ENTHD1: variants seen among roughly 807,000 people sequenced by gnomAD.
ENTHD1 encodes ENTH domain containing 1, also known as ENTH domain-containing protein 1.
Under a neutral mutation model 39.1 loss-of-function variants are expected in ENTHD1, and 23 were observed. The observed-to-expected ratio is 0.59, with a 90% CI of 0.42 to 0.83. The LOEUF is 0.83. ENTHD1 is among the 40% of genes least tolerant of loss of function. The pLI is 0.00. For missense variants in ENTHD1, 624 were observed against 705.4 expected (o/e 0.88, Z 1.31); for synonymous variants, 230 against 258.2 (o/e 0.89, Z 1.05).
chr22:39,773,828 GAGGTATAA>G (rs1306459024), intron 5 of ENTHD1, among the ~76,000 whole-genome samples: 2 of 152,186 alleles, frequency 1.3e-5, no homozygotes, highest in Non-Finnish European at 2.9e-5. Flanking sequence ...TTTAGGTTTA[GAGGTATAA>G]AGATGTGTAA....
intron 5 of ENTHD1, among the ~76,000 whole-genome samples, chr22:39,776,487 T>C (rs1225688114): frequency 2.0e-5 from 3 of 152,216 alleles, no homozygotes; most frequent in African/African-American, 4.8e-5. Flanking sequence ...CAGTATTCTT[T>C]ATCATACAGT....
At chr22:39,787,782 A>G (rs1404675907) in intron 5 of ENTHD1, among the ~76,000 whole-genome samples, 1 of 152,226 alleles carries the variant, frequency 6.6e-6, no homozygotes, top group Non-Finnish European at 1.5e-5. Context: ...ATAAAAATAC[A>G]AGGTAAAGCA....
chr22:39,863,549 A>C (rs181023642), intron 2 of ENTHD1, among the ~76,000 whole-genome samples: 58 of 152,358 alleles, frequency 3.8e-4, no homozygotes, highest in African/African-American at 1.3e-3. Flanking sequence ...ACTGTAACCT[A>C]TAACTCACTC....
intron 3 of ENTHD1, 100 bp from the exon 4 acceptor site, chr22:39,836,058 T>G: frequency 1.3e-6 from 1 of 764,494 alleles, no homozygotes; most frequent in South Asian, 2.6e-5. Context: ...GAAGATACCT[T>G]TTTTTCCTGC....
chr22:39,758,479 CA>C (rs1485402259), intron 6 of ENTHD1, among the ~76,000 whole-genome samples: 1 of 152,134 alleles, frequency 6.6e-6, no homozygotes, highest in Non-Finnish European at 1.5e-5. Context: ...GGCTGGGGTG[CA>C]GTGGGGCAAT....
intron 4 of ENTHD1, among the ~76,000 whole-genome samples, chr22:39,826,369 T>C (rs2065826636): frequency 3.3e-5 from 5 of 152,152 alleles, no homozygotes; most frequent in Admixed American, 6.5e-5. Context: ...ATCTTTTTTT[T>C]CAAAGAACTG....
At chr22:39,841,832 C>T (rs186756459) in intron 3 of ENTHD1, among the ~76,000 whole-genome samples, 4 of 152,220 alleles carry the variant, frequency 2.6e-5, no homozygotes, top group African/African-American at 7.2e-5. Context: ...TTCCTAGTCT[C>T]GATGATCTTT....
chr22:39,807,913 GTA>G lies in ENTHD1; in HGVS notation c.832+13078_832+13079del, dbSNP rs1555929241. 4.3e-3 allele frequency among the ~76,000 whole-genome samples: 642 copies of G among 150,532 alleles called. 9 individuals are homozygous for G. Among genetic ancestry groups the G allele is most frequent in the East Asian group, 0.03 (157 of 5,150 alleles). ...CGTGTGTGTGTGTGTGTGTGTGTGT[GTA>G]TATATATACTGGGTCATGACATAAA... is the stretch of plus-strand genomic sequence containing the variant. On this transcript the variant is annotated intron_variant, in intron 5 of 6. Coordinates refer to ENST00000325157, the MANE Select transcript of ENTHD1 (RefSeq NM_152512.4).
intron 3 of ENTHD1, among the ~76,000 whole-genome samples, chr22:39,852,871 T>C (rs2066054464): frequency 6.6e-6 from 1 of 152,212 alleles, no homozygotes; most frequent in Non-Finnish European, 1.5e-5. Flanking sequence ...GTGGTACAGA[T>C]ACAAATTATT....
intron 5 of ENTHD1, among the ~76,000 whole-genome samples, chr22:39,807,888 C>T (rs987596819): frequency 6.9e-6 from 1 of 145,918 alleles, no homozygotes; most frequent in Non-Finnish European, 1.5e-5. Context: ...TATATACGTA[C>T]GTGTGTGTGT....
intron 3 of ENTHD1, among the ~76,000 whole-genome samples, chr22:39,847,791 A>G (rs1222863340): frequency 6.6e-6 from 1 of 152,214 alleles, no homozygotes; most frequent in Non-Finnish European, 1.5e-5. Flanking sequence ...ATACAGTTTT[A>G]TTAGTTTTCT....
In ENTHD1 at chr22:39,822,105, C is replaced by T. The variant is rs191121729; in HGVS notation, c.712-992G>A. On this transcript the variant is annotated intron_variant, in intron 4 of 6. Transcript: ENST00000325157. ...TACCATAAACTGTTCATATTTCCAA[C>T]TTCTCCTAAATGTCATAAACAGGTT... Among the ~76,000 whole-genome samples the T allele has an allele frequency of 4.7e-3, 717 of 152,236 alleles. 2 individuals are homozygous for T. The highest frequency in any genetic ancestry group is 7.6e-3 in the Non-Finnish European group (516 of 68,012).
chr22:39,797,048 T>A (rs144541517), intron 5 of ENTHD1, among the ~76,000 whole-genome samples: 1 of 152,238 alleles, frequency 6.6e-6, no homozygotes, highest in Non-Finnish European at 1.5e-5. Context: ...GGTACTCTAG[T>A]GTTGGTACAT....
intron 5 of ENTHD1, among the ~76,000 whole-genome samples, chr22:39,787,307 G>A (rs558266418): frequency 1.3e-5 from 2 of 152,062 alleles, no homozygotes; most frequent in Admixed American, 6.6e-5. Flanking sequence ...AGACACAACA[G>A]TATTGAAATT....
intron 6 of ENTHD1, among the ~76,000 whole-genome samples, chr22:39,757,274 G>T (rs756859298): frequency 6.6e-6 from 1 of 151,896 alleles, no homozygotes; most frequent in African/African-American, 2.4e-5. Flanking sequence ...ATTTATTATT[G>T]TTGTTTGTTT....
chr22:39,787,292 C>T (rs2065467026), intron 5 of ENTHD1, among the ~76,000 whole-genome samples: 1 of 152,136 alleles, frequency 6.6e-6, no homozygotes, highest in African/African-American at 2.4e-5. Context: ...CCTCCCTATT[C>T]CCTGAGACAC....
chr22:39,793,861 C>A (rs1364900273), intron 5 of ENTHD1, among the ~76,000 whole-genome samples: 1 of 152,108 alleles, frequency 6.6e-6, no homozygotes, highest in East Asian at 1.9e-4. Flanking sequence ...GTTACTACAG[C>A]CTTGTAATAT....
chr22:39,744,230 G>A lies in ENTHD1; in HGVS notation c.1273C>T (p.Pro425Ser). ...SSFSPLSMSS[P>S]DLASPEKSAH... ...GACTTCTCTGGAGAGGCTAAATCAG[G>A]AGATGACATGGATAAAGGAGAAAAG... The change falls in exon 7 of 7, where the codon CCT (proline) becomes TCT (serine). Residue 425 changes from proline to serine, a missense_variant. Pro to Ser is a moderately conservative substitution (Grantham distance 74, BLOSUM62 -1). Transcript: ENST00000325157. 6.2e-7 allele frequency: 1 copy of A among 1,613,640 alleles called. No individual in the cohort carries two copies. Among genetic ancestry groups the A allele is most frequent in the Non-Finnish European group, 8.5e-7 (1 of 1,179,792 alleles).
At chr22:39,820,896 C>T (rs2065777341) in intron 5 of ENTHD1, 97 bp downstream of exon 5, 2 of 1,344,468 alleles carry the variant, frequency 1.5e-6, no homozygotes, top group African/African-American at 1.5e-5. Flanking sequence ...CATGCTAGTT[C>T]TGTCCCTCAT....
Sources: gnomAD v4.1 joint callset for allele counts (sites outside exome capture counted in the v4.1 genomes callset) on GRCh38, gnomAD v4.1.1 for gene constraint, MANE v1.5 for transcripts, NCBI Gene and HGNC (gene_info 2026-07-23, HGNC 2026-07-21) for gene names.